Variants in DYM observed in about 807,000 individuals in gnomAD.
The protein encoded by DYM is dyggve-Melchior-Clausen syndrome protein.
DYM carries 78 observed loss-of-function variants against 93.1 expected under a neutral mutation model. The ratio of observed to expected loss-of-function variants is 0.84; its 90% CI spans 0.70 to 1.01. The LOEUF (loss-of-function observed/expected upper bound fraction) is 1.01, where lower values mean the gene tolerates loss of function less well. Ranked by LOEUF, DYM falls within the 50% of genes least tolerant of loss-of-function variation. The pLI is 0.00. For synonymous variants in DYM, 321 were observed against 319.7 expected, an observed-to-expected ratio of 1.00 and a Z score of -0.04; for missense variants, 789 against 845.0, an observed-to-expected ratio of 0.93 and a Z score of 0.82.
In DYM at chr18:49,039,175, T is replaced by C. The variant is rs145451859; in HGVS notation, c.*4880A>G. ...CTTCATTTTTGCAGGATATTTTCCCTGATTAGAAATTTTTAGGTTGGCAGT... is the reference window on the plus strand; with the variant it reads ...CTTCATTTTTGCAGGATATTTTCCCCGATTAGAAATTTTTAGGTTGGCAGT... On this transcript the variant is annotated 3_prime_UTR_variant, in exon 18 of 18. Coordinates refer to ENST00000675505, the MANE Select transcript of DYM (RefSeq NM_001353214.3). Among the ~76,000 whole-genome samples, 239 of 152,328 alleles carry C rather than the reference T, an allele frequency of 1.6e-3. 1 individual carries two copies. Among genetic ancestry groups the C allele is most frequent in the Non-Finnish European group, 3.0e-3 (207 of 68,024 alleles).
intron 11 of DYM, among the ~76,000 whole-genome samples, chr18:49,269,523 T>A (rs1402916258): frequency 3.3e-5 from 5 of 152,214 alleles, no homozygotes; most frequent in Non-Finnish European, 7.3e-5. Flanking sequence ...GCAGCACTAT[T>A]CAGAATAGCC....
chr18:49,421,988 A>G (rs1174245883), intron 2 of DYM, among the ~76,000 whole-genome samples: 1 of 152,238 alleles, frequency 6.6e-6, no homozygotes, highest in Non-Finnish European at 1.5e-5. Context: ...AAAGCCTCCA[A>G]GAAATATGGG....
In DYM at chr18:49,432,599, A is replaced by ATT. The variant is rs35279467; in HGVS notation, c.-53-2154_-53-2153dup. Among the ~76,000 whole-genome samples, 1,181 of 129,544 alleles carry ATT rather than the reference A, an allele frequency of 9.1e-3. 15 individuals are homozygous for ATT. The highest frequency in any genetic ancestry group is 0.02 in the African/African-American group (689 of 34,388). 85.0% of individuals were successfully genotyped at this position (129,544 alleles called of 152,430 possible). A position where few individuals can be genotyped will look rare whatever the true frequency, so the allele number is the denominator to read the frequency against. ...ATTCATAGCTAGTACCAGCATTAAA[A>ATT]TTTTTTTTTTTTTTTTTTTTTTAAG... is the stretch of plus-strand genomic sequence containing the variant. On this transcript the variant is annotated intron_variant, in intron 1 of 17. Transcript: ENST00000675505.
Position 49,209,676 on chromosome 18 carries a change from C to T in DYM, c.1500G>A (p.Leu500=), listed in dbSNP as rs1490179224. ...CRHLRRYVYV[L]DKLYFPHSHC... The stretch of plus-strand genomic sequence containing the variant: ...GAGAGTGGGGGAAATACAGTTTGTC[C>T]AACACATAAACATATCTCCGCAAGT... The change falls in exon 14 of 18, where the codon TTG becomes TTA. Residue 500 remains leucine (L), a synonymous_variant. Coordinates refer to ENST00000675505, the MANE Select transcript of DYM (RefSeq NM_001353214.3). 7.8e-7 allele frequency: 1 copy of T among 1,288,500 alleles called. No individual in the cohort carries two copies. Among genetic ancestry groups the T allele is most frequent in the South Asian group, 1.2e-5 (1 of 80,814 alleles). The allele number at this position is 1,288,500 out of a possible 1,614,324, so 79.8% of individuals were successfully genotyped here.
chr18:49,317,565 CT>C (rs1477134280), intron 8 of DYM, among the ~76,000 whole-genome samples: 1 of 11,628 alleles, frequency 8.6e-5, no homozygotes, highest in African/African-American at 6.6e-4. Context: ...CTCTCTCTCT[CT>C]CTCTCTCTCT....
At chr18:49,135,705 A>G (rs1456030109) in intron 15 of DYM, among the ~76,000 whole-genome samples, 1 of 152,214 alleles carries the variant, frequency 6.6e-6, no homozygotes, top group Non-Finnish European at 1.5e-5. Flanking sequence ...AAGTGTTTCC[A>G]ACAGGCTGAA....
At position 49,258,479 on chromosome 18, in the gene DYM, A is replaced by C; in HGVS notation, c.1266T>G (p.Ile422Met). The C allele has an allele frequency of 6.2e-7, 1 of 1,604,702 alleles. No homozygotes were observed. Among genetic ancestry groups the C allele is most frequent in the Non-Finnish European group, 8.5e-7 (1 of 1,171,530 alleles). Residue 422 changes from isoleucine (I) to methionine (M), a missense_variant, in exon 12 of 18, where the codon ATT becomes ATG. Physicochemically the swap from Ile to Met is conservative, Grantham distance 10. Coordinates refer to ENST00000675505, the MANE Select transcript of DYM (RefSeq NM_001353214.3). The part of the protein sequence containing the change: ...RSIHEVILKN[I>M]TWYSERVLTE... ...TTAAAACTCGTTCTGAATACCAAGT[A>C]ATATTTTTTAGTATCTGTAATGGGG...
rs146667358 is a variant in DYM at position 49,400,267 on chromosome 18, A to G, written c.141-8622T>C. 1.1e-4 allele frequency among the ~76,000 whole-genome samples: 17 copies of G among 152,134 alleles called. 1 individual carries two copies. The East Asian group carries it at 3.3e-3, about 29-fold the overall frequency. ...AAAAGACATTTCTTTCTTTCCAAAT[A>G]TAAAAGAGCATATCCTTTTGAAGCA... is the stretch of plus-strand genomic sequence containing the variant. On this transcript the variant is annotated intron_variant, in intron 2 of 17. Transcript: ENST00000675505.
intron 1 of DYM, among the ~76,000 whole-genome samples, chr18:49,459,483 T>A (rs2083287587): frequency 6.6e-6 from 1 of 152,040 alleles, no homozygotes. Flanking sequence ...AGCCCTCAAC[T>A]CATCAGCCTA....
At chr18:49,061,805 A>C (rs1319175152) in intron 17 of DYM, among the ~76,000 whole-genome samples, 1 of 152,240 alleles carries the variant, frequency 6.6e-6, no homozygotes, top group African/African-American at 2.4e-5. Flanking sequence ...GAAGAGATCT[A>C]GAAATGAATC....
intron 16 of DYM, among the ~76,000 whole-genome samples, chr18:49,103,632 G>A (rs1297483725): frequency 2.0e-5 from 3 of 152,076 alleles, no homozygotes; most frequent in Admixed American, 2.0e-4. Context: ...TCTACATATG[G>A]CTAGCCAGTT....
intron 8 of DYM, among the ~76,000 whole-genome samples, chr18:49,307,212 T>A (rs1443758385): frequency 6.6e-6 from 1 of 152,112 alleles, no homozygotes. Context: ...AACAGAACTG[T>A]ATAATAATGG....
At chr18:49,087,080 A>G (rs1237747319) in intron 17 of DYM, among the ~76,000 whole-genome samples, 2 of 152,168 alleles carry the variant, frequency 1.3e-5, no homozygotes, top group African/African-American at 4.8e-5. Flanking sequence ...AAGCAGGAAG[A>G]TGGCCATCTA....
chr18:49,365,078 T>C (rs1004465139), intron 5 of DYM, among the ~76,000 whole-genome samples: 3 of 152,080 alleles, frequency 2.0e-5, no homozygotes, highest in African/African-American at 7.2e-5. Context: ...ATGTACTCAA[T>C]ACAATTTGCT....
At chr18:49,410,066 T>TTG (rs1334505560) in intron 2 of DYM, among the ~76,000 whole-genome samples, 5 of 152,124 alleles carry the variant, frequency 3.3e-5, no homozygotes, top group African/African-American at 7.2e-5. Context: ...ACTTTGGATT[T>TTG]TGTGTGTGTG....
chr18:49,298,350 C>T (rs1306147053), intron 8 of DYM, among the ~76,000 whole-genome samples: 1 of 152,096 alleles, frequency 6.6e-6, no homozygotes, highest in Non-Finnish European at 1.5e-5. Flanking sequence ...GAGGCCAAGG[C>T]AGGTGGATTA....
chr18:49,186,179 C>G (rs920078707), intron 14 of DYM, among the ~76,000 whole-genome samples: 2 of 152,114 alleles, frequency 1.3e-5, no homozygotes, highest in African/African-American at 4.8e-5. Context: ...TAATCACTCA[C>G]TTAATAATCA....
intron 16 of DYM, among the ~76,000 whole-genome samples, chr18:49,104,452 G>A (rs2080553137): frequency 2.0e-5 from 3 of 152,136 alleles, no homozygotes; most frequent in Admixed American, 2.0e-4. Flanking sequence ...ATACTATGTT[G>A]AATAGGAGTG....
chr18:49,213,319 T>TG (rs1351160719), intron 13 of DYM, among the ~76,000 whole-genome samples: 2 of 150,424 alleles, frequency 1.3e-5, no homozygotes, highest in African/African-American at 4.9e-5. Flanking sequence ...TTTTTGGAGA[T>TG]GGAGTTTTGC....
Sources: gnomAD v4.1 joint callset for allele counts (sites outside exome capture counted in the v4.1 genomes callset) on GRCh38, gnomAD v4.1.1 for gene constraint, MANE v1.5 for transcripts, NCBI Gene and HGNC (gene_info 2026-07-23, HGNC 2026-07-21) for gene names.